NUP214: variants seen among roughly 807,000 people sequenced by gnomAD.
NUP214 encodes the protein nucleoporin 214, also known as nuclear pore complex protein Nup214.
A neutral mutation model predicts 196.2 loss-of-function variants in NUP214; 79 were observed. The observed-to-expected ratio is 0.40, with a 90% confidence interval of 0.34 to 0.49. NUP214 has a LOEUF of 0.49. NUP214 is among the 20% of genes least tolerant of loss of function. NUP214 has a pLI of 0.58. For synonymous variants in NUP214, 1,020 were observed against 990.5 expected, an observed-to-expected ratio of 1.03 and a Z score of -0.56; for missense variants, 2,468 against 2,539.0, an observed-to-expected ratio of 0.97 and a Z score of 0.60.
chr9:131,159,472 AAAG>A lies in NUP214; in HGVS notation c.2529_2531del (p.Lys845del), dbSNP rs1832559737. 1.2e-6 allele frequency: 2 copies of A among 1,613,266 alleles called. No individual in the cohort carries two copies. Among genetic ancestry groups the A allele is most frequent in the Non-Finnish European group, 1.7e-6 (2 of 1,179,188 alleles). ...TGGAGTGGGATCAGCATCTGGAACAAAAGAAAAAACAAAGGTGAATGAGATCTC... is the reference window on the plus strand; with the variant it reads ...TGGAGTGGGATCAGCATCTGGAACAAAAAAAACAAAGGTGAATGAGATCTC... On this transcript the variant is annotated inframe_deletion, in exon 18 of 36. Coordinates refer to ENST00000359428, the MANE Select transcript of NUP214 (RefSeq NM_005085.4).
At chr9:131,208,270 G>T (rs115738747) in intron 30 of NUP214, among the ~76,000 whole-genome samples, 1 of 152,324 alleles carries the variant, frequency 6.6e-6, no homozygotes, top group African/African-American at 2.4e-5. Flanking sequence ...ACAAATACTT[G>T]TACATCAATG....
chr9:131,163,028 A>T lies in NUP214; in HGVS notation c.2578A>T (p.Thr860Ser), dbSNP rs777934218. 2.5e-6 allele frequency: 4 copies of T among 1,614,034 alleles called. No individual in the cohort carries two copies. In the African/African-American group the frequency reaches 5.3e-5, roughly 22 times the overall value. The change falls in exon 19 of 36, where the codon ACC (threonine) becomes TCC (serine). Residue 860 changes from threonine (T) to serine (S), a missense_variant. Physicochemically the swap from Thr to Ser is moderately conservative, Grantham distance 58 (BLOSUM62 1). This residue lies in a region of NUP214 where 1,801 missense variants were observed against 1,779.4 expected (regional missense o/e 1.01). Coordinates refer to ENST00000359428, the MANE Select transcript of NUP214 (RefSeq NM_005085.4). ...GCCAGAGCGAGAGACACTGTTTAACACCCTAGCCAACAATCGGGAAATCAT... is the reference window on the plus strand; with the variant it reads ...GCCAGAGCGAGAGACACTGTTTAACTCCCTAGCCAACAATCGGGAAATCAT... Reference protein sequence around the residue: ...LVPERETLFNTLANNREIINQ... With the variant: ...LVPERETLFNSLANNREIINQ...
At chr9:131,187,043 T>A in intron 24 of NUP214, 1 of 455,728 alleles carries the variant, frequency 2.2e-6, no homozygotes, top group Non-Finnish European at 4.0e-6. Context: ...ACTAATTTTT[T>A]TCTTTGGATT....
At chr9:131,190,555 C>T in intron 26 of NUP214, 2 of 626,928 alleles carry the variant, frequency 3.2e-6, no homozygotes, top group Non-Finnish European at 5.6e-6. Flanking sequence ...TAAGAGTTTG[C>T]AAAAAGTTTC....
chr9:131,212,706 C>A (rs1239386408), intron 30 of NUP214, among the ~76,000 whole-genome samples: 2 of 152,188 alleles, frequency 1.3e-5, no homozygotes, highest in Admixed American at 1.3e-4. Context: ...GGATCTTAAA[C>A]ACTTACTCCT....
At chr9:131,166,624 C>A (rs984968674) in intron 21 of NUP214, among the ~76,000 whole-genome samples, 1 of 152,112 alleles carries the variant, frequency 6.6e-6, no homozygotes, top group Non-Finnish European at 1.5e-5. Context: ...AAAACAAAAA[C>A]GTATATCCCT....
At chr9:131,210,892 A>G (rs575515674) in intron 30 of NUP214, among the ~76,000 whole-genome samples, 232 of 152,368 alleles carry the variant, frequency 1.5e-3, no homozygotes, top group Non-Finnish European at 2.9e-3. Flanking sequence ...CAGAATGGGT[A>G]GGATAAATTC....
At chr9:131,148,530 TC>T (rs1378860063) in intron 14 of NUP214, among the ~76,000 whole-genome samples, 1 of 152,188 alleles carries the variant, frequency 6.6e-6, no homozygotes, top group Non-Finnish European at 1.5e-5. Flanking sequence ...ATTAGTAGAT[TC>T]CCACCAAGAG....
At chr9:131,150,583 G>A in intron 15 of NUP214, 33 bp from the exon 16 acceptor site, 1 of 1,607,122 alleles carries the variant, frequency 6.2e-7, no homozygotes, top group East Asian at 2.2e-5. Context: ...TTGTCCTTCA[G>A]ACTGAGTAGT....
intron 22 of NUP214, 74 bp downstream of exon 22, chr9:131,174,392 C>A: frequency 8.5e-6 from 11 of 1,301,380 alleles, no homozygotes; most frequent in Non-Finnish European, 1.0e-5. Flanking sequence ...GTAACTGGGT[C>A]TTATACTGTC....
At chr9:131,182,359 C>A (rs955352473) in intron 24 of NUP214, among the ~76,000 whole-genome samples, 5 of 152,236 alleles carry the variant, frequency 3.3e-5, no homozygotes, top group Non-Finnish European at 7.3e-5. Flanking sequence ...GTGAGCATTA[C>A]CACCTGAGCT....
At chr9:131,154,842 TGCGCAC>T (rs1166114652) in intron 17 of NUP214, among the ~76,000 whole-genome samples, 3 of 149,468 alleles carry the variant, frequency 2.0e-5, no homozygotes, top group Admixed American at 6.6e-5. Flanking sequence ...TGTGTGTGTG[TGCGCAC>T]GCGCACGCTC....
Position 131,164,046 on chromosome 9 carries a change from A to G in NUP214, c.2810-15A>G. 1 of 1,614,114 alleles carries G rather than the reference A, an allele frequency of 6.2e-7. No individual in the cohort carries two copies. Among genetic ancestry groups the G allele is most frequent in the Non-Finnish European group, 8.5e-7 (1 of 1,180,002 alleles). On this transcript the variant is annotated splice_polypyrimidine_tract_variant and intron_variant, in intron 20 of 35. Coordinates refer to ENST00000359428, the MANE Select transcript of NUP214 (RefSeq NM_005085.4). The stretch of plus-strand genomic sequence containing the variant: ...CTGAGTCTTAATCATTTATGGGTTT[A>G]TGGATTTCTTGCAGCCAAACTGTCC...
At chr9:131,233,342 AT>A in intron 35 of NUP214, 111 bp from the exon 36 acceptor site, 1 of 1,122,784 alleles carries the variant, frequency 8.9e-7, no homozygotes, top group Non-Finnish European at 1.2e-6. Flanking sequence ...TATCAAAAAA[AT>A]AATAATAAAA....
chr9:131,173,851 C>T (rs1366559392), intron 21 of NUP214, among the ~76,000 whole-genome samples: 1 of 152,144 alleles, frequency 6.6e-6, no homozygotes, highest in Non-Finnish European at 1.5e-5. Context: ...CGTTCACACA[C>T]CTCAGTTTCT....
chr9:131,213,675 A>G (rs534110630), intron 30 of NUP214, among the ~76,000 whole-genome samples: 1 of 152,140 alleles, frequency 6.6e-6, no homozygotes, highest in East Asian at 1.9e-4. Context: ...ATCAGGGCCA[A>G]TGCTGTTAGG....
intron 2 of NUP214, 103 bp from the exon 3 acceptor site, chr9:131,128,229 G>A (rs1831422946): frequency 1.0e-6 from 1 of 987,508 alleles, no homozygotes; most frequent in South Asian, 1.7e-5. Flanking sequence ...GTGTATGTGT[G>A]TTTATGTAGA....
In NUP214 at chr9:131,174,098, A is replaced by G. The variant is rs144760244; in HGVS notation, c.2937A>G (p.Glu979=). Residue 979 remains glutamate (E), a synonymous_variant, in exon 22 of 36, where the codon GAA becomes GAG. Coordinates refer to ENST00000359428, the MANE Select transcript of NUP214 (RefSeq NM_005085.4). Reference sequence around the variant, plus strand: ...CCTTTCTGTCTCAGAGATATTATGAAGACTTGGATGAAGTCAGCTCAACGT... The same window carrying G: ...CCTTTCTGTCTCAGAGATATTATGAGGACTTGGATGAAGTCAGCTCAACGT... ...RSAFLSQRYY[E]DLDEVSSTSS... 114 of 1,613,514 alleles carry G rather than the reference A, an allele frequency of 7.1e-5. No individual in the cohort carries two copies. The African/African-American group carries it at 1.4e-3, about 20-fold the overall frequency.
chr9:131,157,085 A>T (rs1832473634), intron 17 of NUP214, among the ~76,000 whole-genome samples: 1 of 151,878 alleles, frequency 6.6e-6, no homozygotes, highest in East Asian at 1.9e-4. Context: ...TGATCCTCCT[A>T]ACTCATCCTC....
Sources: allele counts gnomAD v4.1 joint callset (sites outside exome capture counted in the v4.1 genomes callset), GRCh38; gene constraint gnomAD v4.1.1; regional missense constraint gnomAD v4.1.1; transcripts MANE v1.5; gene names NCBI Gene and HGNC (gene_info 2026-07-23, HGNC 2026-07-21).